Variants in WWOX observed in about 807,000 individuals in gnomAD.
The protein encoded by WWOX is WW domain containing oxidoreductase.
Under a neutral mutation model 46.2 loss-of-function variants are expected in WWOX, and 69 were observed. The ratio of observed to expected loss-of-function variants is 1.49; its 90% CI spans 1.23 to 1.82. The LOEUF is 1.82. WWOX is among the 40% of genes most tolerant of loss of function. The pLI, the probability that WWOX is intolerant of heterozygous loss-of-function variation, is 0.00. For missense variants in WWOX, 919 were observed against 542.6 expected (o/e 1.69, Z -6.89); for synonymous variants, 359 against 202.6 (o/e 1.77, Z -6.56).
At chr16:78,364,047 C>T (rs566259430) in intron 5 of WWOX, among the ~76,000 whole-genome samples, 11 of 152,300 alleles carry the variant, frequency 7.2e-5, no homozygotes, top group Non-Finnish European at 1.3e-4. Flanking sequence ...TGCCACATCC[C>T]CCCACTCAGT....
At chr16:78,358,310 T>G (rs1334265691) in intron 5 of WWOX, among the ~76,000 whole-genome samples, 1 of 152,198 alleles carries the variant, frequency 6.6e-6, no homozygotes, top group East Asian at 1.9e-4. Flanking sequence ...AAATTAGAAC[T>G]CTGCTAATGA....
At position 78,203,772 on chromosome 16, in the gene WWOX, G is replaced by C. The variant is rs547550664; in HGVS notation, c.516+39483G>C. On this transcript the variant is annotated intron_variant, in intron 5 of 8. Coordinates refer to ENST00000566780, the MANE Select transcript of WWOX (RefSeq NM_016373.4). ...GTTCAAGAAGGTCTTGGGCAAGCGC[G>C]TGCTAGTTATTTTCCTCACTGGTGT... Among the ~76,000 whole-genome samples, 5 of 152,284 alleles carry C rather than the reference G, an allele frequency of 3.3e-5. No individual in the cohort carries two copies. In the South Asian group the frequency reaches 8.3e-4, roughly 25 times the overall value.
chr16:78,723,913 G>C (rs746762632), intron 8 of WWOX, among the ~76,000 whole-genome samples: 1 of 152,084 alleles, frequency 6.6e-6, no homozygotes, highest in Non-Finnish European at 1.5e-5. Flanking sequence ...GTCTAGTTTG[G>C]ATTATTTGAG....
intron 4 of WWOX, among the ~76,000 whole-genome samples, chr16:78,151,264 A>G (rs1056029410): frequency 6.6e-6 from 1 of 152,108 alleles, no homozygotes; most frequent in African/African-American, 2.4e-5. Flanking sequence ...TCACAAATCC[A>G]CAGTCACATG....
At chr16:78,604,398 A>T (rs998861637) in intron 8 of WWOX, among the ~76,000 whole-genome samples, 1 of 152,018 alleles carries the variant, frequency 6.6e-6, no homozygotes, top group African/African-American at 2.4e-5. Context: ...GCAAATATTC[A>T]TGGAGCCCTT....
chr16:78,744,598 A>T (rs918113850), intron 8 of WWOX, among the ~76,000 whole-genome samples: 3 of 151,472 alleles, frequency 2.0e-5, no homozygotes, highest in Admixed American at 6.6e-5. Flanking sequence ...CACCTGGCTA[A>T]TTTTTGTATT....
chr16:79,007,491 G>A (rs1432895539), intron 8 of WWOX, among the ~76,000 whole-genome samples: 7 of 152,186 alleles, frequency 4.6e-5, no homozygotes, highest in African/African-American at 1.2e-4. Flanking sequence ...GCAAGGATCC[G>A]GGAGAAAGAT....
At chr16:78,823,558 T>C (rs1032111398) in intron 8 of WWOX, among the ~76,000 whole-genome samples, 8 of 152,214 alleles carry the variant, frequency 5.3e-5, no homozygotes, top group Non-Finnish European at 1.0e-4. Flanking sequence ...GTTCCATTCA[T>C]TCAGCAAATG....
intron 8 of WWOX, among the ~76,000 whole-genome samples, chr16:78,913,602 T>C (rs2151258754): frequency 6.6e-6 from 1 of 152,022 alleles, no homozygotes; most frequent in Admixed American, 6.6e-5. Context: ...GAGAAATCTT[T>C]TACTGTATCA....
intron 8 of WWOX, among the ~76,000 whole-genome samples, chr16:78,960,787 T>A (rs2046257039): frequency 6.6e-6 from 1 of 152,162 alleles, no homozygotes. Context: ...TTAGTCACCT[T>A]ATTTTTTTTG....
chr16:78,167,057 T>C (rs2034998286), intron 5 of WWOX: 1 of 152,264 alleles, frequency 6.6e-6, no homozygotes, highest in African/African-American at 2.4e-5. Flanking sequence ...AACCTGATTG[T>C]ACAGTGACAT....
chr16:78,451,561 G>C (rs1485596370), intron 8 of WWOX, among the ~76,000 whole-genome samples: 1 of 152,164 alleles, frequency 6.6e-6, no homozygotes, highest in South Asian at 2.1e-4. Flanking sequence ...CTGCTGGCCA[G>C]CCACATTACC....
intron 8 of WWOX, among the ~76,000 whole-genome samples, chr16:78,582,335 A>C (rs1035224456): frequency 1.3e-5 from 2 of 152,220 alleles, no homozygotes; most frequent in Non-Finnish European, 2.9e-5. Context: ...ATATAGATAA[A>C]AATGTTAATT....
intron 8 of WWOX, among the ~76,000 whole-genome samples, chr16:78,808,097 G>T (rs1384152200): frequency 6.6e-6 from 1 of 152,072 alleles, no homozygotes; most frequent in Non-Finnish European, 1.5e-5. Flanking sequence ...ACTCTCCTAG[G>T]GCCTAGGCCC....
At chr16:78,922,212 A>T (rs560242256) in intron 8 of WWOX, among the ~76,000 whole-genome samples, 1 of 152,086 alleles carries the variant, frequency 6.6e-6, no homozygotes, top group African/African-American at 2.4e-5. Context: ...TCCCTACCCT[A>T]AGCAATATTG....
At chr16:78,766,383 C>G (rs2049925157) in intron 8 of WWOX, among the ~76,000 whole-genome samples, 1 of 152,178 alleles carries the variant, frequency 6.6e-6, no homozygotes, top group Non-Finnish European at 1.5e-5. Context: ...TTGCTTGAGG[C>G]TATGGCTTCA....
At position 78,159,256 on chromosome 16, in the gene WWOX, G is replaced by A. The variant is rs2034705476; in HGVS notation, c.410-4927G>A. On this transcript the variant is annotated intron_variant, in intron 4 of 8. Transcript: ENST00000566780. Reference sequence around the variant, plus strand: ...TGTCTTGGCTAGTATGAATAATGCTGCAGTGAACATGAGAGGGCAGACATA... The same window carrying A: ...TGTCTTGGCTAGTATGAATAATGCTACAGTGAACATGAGAGGGCAGACATA... Among the ~76,000 whole-genome samples the A allele has an allele frequency of 2.0e-5, 3 of 152,072 alleles. No individual in the cohort carries two copies. In the South Asian group the frequency reaches 6.2e-4, roughly 32 times the overall value.
intron 8 of WWOX, among the ~76,000 whole-genome samples, chr16:79,166,890 G>C (rs574125543): frequency 2.7e-4 from 41 of 152,238 alleles, no homozygotes; most frequent in African/African-American, 9.4e-4. Flanking sequence ...GTTCAGAAGA[G>C]ACATTAAGCT....
intron 8 of WWOX, among the ~76,000 whole-genome samples, chr16:78,491,329 A>G (rs1434522848): frequency 6.6e-6 from 1 of 152,208 alleles, no homozygotes; most frequent in African/African-American, 2.4e-5. Flanking sequence ...CCTTGGGGAA[A>G]GGACCAAGTT....
Sources: allele counts gnomAD v4.1 joint callset (sites outside exome capture counted in the v4.1 genomes callset), GRCh38; gene constraint gnomAD v4.1.1; transcripts MANE v1.5; gene names NCBI Gene and HGNC (gene_info 2026-07-23, HGNC 2026-07-21).